The following MALRD1 variants were observed in gnomAD, a reference collection of about 807,000 sequenced individuals.
The protein encoded by MALRD1 is MAM and LDL-receptor class A domain-containing protein 1.
Under a neutral mutation model 242.1 loss-of-function variants are expected in MALRD1, and 247 were observed. The ratio of observed to expected loss-of-function variants is 1.02; its 90% CI spans 0.92 to 1.13. The LOEUF (loss-of-function observed/expected upper bound fraction) is 1.13. Among genes scored for constraint, MALRD1 ranks in the 50% most tolerant of loss-of-function variants. The probability of loss-of-function intolerance (pLI) is 0.00; values close to 1 mark genes in which losing one functional copy is unlikely to be tolerated. For synonymous variants in MALRD1, 995 were observed against 866.6 expected, an observed-to-expected ratio of 1.15 and a Z score of -2.60; for missense variants, 2,989 against 2,533.1, an observed-to-expected ratio of 1.18 and a Z score of -3.86.
At chr10:19,288,326 T>G (rs1224436889) in intron 21 of MALRD1, among the ~76,000 whole-genome samples, 1 of 152,090 alleles carries the variant, frequency 6.6e-6, no homozygotes, top group Non-Finnish European at 1.5e-5. Context: ...ACTCTCTTTA[T>G]TTTAAAATGT....
At chr10:19,727,715 C>T (rs1165568484) in intron 38 of MALRD1, among the ~76,000 whole-genome samples, 1 of 151,616 alleles carries the variant, frequency 6.6e-6, no homozygotes, top group African/African-American at 2.4e-5. Context: ...GAAAAAAAAT[C>T]AACTGCTTAA....
chr10:19,207,800 C>G (rs892221346), intron 17 of MALRD1, among the ~76,000 whole-genome samples: 2 of 152,132 alleles, frequency 1.3e-5, no homozygotes, highest in Non-Finnish European at 2.9e-5. Flanking sequence ...CTGCGCCCAG[C>G]CTGATAATGT....
intron 28 of MALRD1, among the ~76,000 whole-genome samples, chr10:19,412,673 AAC>A (rs1833324893): frequency 6.6e-6 from 1 of 152,190 alleles, no homozygotes; most frequent in Non-Finnish European, 1.5e-5. Context: ...GCACATGATG[AAC>A]TCATGGTGAA....
At chr10:19,279,199 C>G (rs1840687482) in intron 19 of MALRD1, among the ~76,000 whole-genome samples, 1 of 152,154 alleles carries the variant, frequency 6.6e-6, no homozygotes, top group Non-Finnish European at 1.5e-5. Flanking sequence ...TCCTTTGTGA[C>G]TGGGCCCAAG....
At chr10:19,455,834 A>C (rs565223720) in intron 29 of MALRD1, among the ~76,000 whole-genome samples, 5 of 152,186 alleles carry the variant, frequency 3.3e-5, no homozygotes, top group Admixed American at 2.0e-4. Flanking sequence ...GCTGGGCTGA[A>C]ATGTGTGCAT....
At chr10:19,163,067 G>A (rs892929625) in intron 12 of MALRD1, among the ~76,000 whole-genome samples, 1 of 132,216 alleles carries the variant, frequency 7.6e-6, no homozygotes, top group African/African-American at 2.7e-5. Context: ...GAGCTCAGGA[G>A]TTTGAGGCTG....
chr10:19,265,775 A>G (rs1221300634), intron 19 of MALRD1, among the ~76,000 whole-genome samples: 1 of 151,822 alleles, frequency 6.6e-6, no homozygotes, highest in African/African-American at 2.4e-5. Context: ...TTCTTAATTG[A>G]TTTTCTGTCT....
chr10:19,515,144 T>C (rs1188290259), intron 31 of MALRD1, among the ~76,000 whole-genome samples: 1 of 152,192 alleles, frequency 6.6e-6, no homozygotes, highest in East Asian at 1.9e-4. Context: ...TTATAGCTTT[T>C]CTTACCAAAA....
chr10:19,061,330 A>C (rs1019736837), intron 1 of MALRD1, among the ~76,000 whole-genome samples: 2 of 152,212 alleles, frequency 1.3e-5, no homozygotes, highest in South Asian at 4.1e-4. Flanking sequence ...GGAAGATTTA[A>C]TATTGCTAAC....
chr10:19,718,595 C>T (rs370371062), intron 38 of MALRD1, among the ~76,000 whole-genome samples: 3 of 152,220 alleles, frequency 2.0e-5, no homozygotes, highest in East Asian at 3.9e-4. Context: ...TATTAGGGAT[C>T]GCATTTCATC....
chr10:19,129,519 G>C (rs537094757), intron 8 of MALRD1, among the ~76,000 whole-genome samples: 5 of 151,874 alleles, frequency 3.3e-5, no homozygotes, highest in Admixed American at 3.3e-4. Flanking sequence ...TGTCACATAG[G>C]TATGATCATT....
At position 19,627,653 on chromosome 10, in the gene MALRD1, C is replaced by T. The variant is rs552879945; in HGVS notation, c.6137+11730C>T. Among the ~76,000 whole-genome samples the T allele has an allele frequency of 3.4e-4, 51 of 150,126 alleles. 1 individual carries two copies. In the South Asian group the frequency reaches 8.8e-3, roughly 26 times the overall value. The stretch of plus-strand genomic sequence containing the variant: ...GCAGGTTCCTGTAATCCCAGCTACA[C>T]GGGAAGCTGGAGTAGGAGAATCACT... On this transcript the variant is annotated intron_variant, in intron 36 of 39. Transcript: ENST00000454679.
chr10:19,709,752 TA>T (rs374642603), intron 38 of MALRD1, among the ~76,000 whole-genome samples: 10 of 152,170 alleles, frequency 6.6e-5, no homozygotes, highest in African/African-American at 2.4e-4. Flanking sequence ...ATGCTCATTT[TA>T]AAAATTAAAA....
intron 26 of MALRD1, among the ~76,000 whole-genome samples, chr10:19,358,114 C>T (rs1285486141): frequency 2.0e-5 from 3 of 151,674 alleles, no homozygotes; most frequent in Non-Finnish European, 4.4e-5. Flanking sequence ...TGTCCATATG[C>T]AAATTCAATC....
intron 22 of MALRD1, among the ~76,000 whole-genome samples, chr10:19,327,213 T>C (rs1843169691): frequency 1.3e-5 from 2 of 152,100 alleles, no homozygotes; most frequent in African/African-American, 2.4e-5. Context: ...CCATACTTTC[T>C]CATTTGACCA....
Position 19,222,378 on chromosome 10 carries a change from G to A in MALRD1, c.2991+12698G>A, listed in dbSNP as rs202195734. 4.6e-5 allele frequency among the ~76,000 whole-genome samples: 7 copies of A among 152,288 alleles called. No individual in the cohort carries two copies. In the East Asian group the frequency reaches 1.4e-3, roughly 29 times the overall value. ...TATGCTCTCCAGCCGAGGGACGCTA[G>A]AGAGGTTGAAATTTCAACTGTGGGA... On this transcript the variant is annotated intron_variant, in intron 18 of 39. Coordinates refer to ENST00000454679, the MANE Select transcript of MALRD1 (RefSeq NM_001142308.3).
intron 28 of MALRD1, among the ~76,000 whole-genome samples, chr10:19,427,264 C>A (rs146870175): frequency 1.3e-5 from 2 of 152,130 alleles, no homozygotes; most frequent in African/African-American, 4.8e-5. Flanking sequence ...AGTCCTCTTG[C>A]CCAAGGCTTT....
At chr10:19,578,285 A>T (rs1240622810) in intron 33 of MALRD1, among the ~76,000 whole-genome samples, 2 of 152,272 alleles carry the variant, frequency 1.3e-5, no homozygotes, top group South Asian at 2.1e-4. Context: ...AATAGCTGAA[A>T]ATGAGGGCCT....
At position 19,671,602 on chromosome 10, in the gene MALRD1, G is replaced by A. The variant is rs148920001; in HGVS notation, c.6138-20680G>A. Among the ~76,000 whole-genome samples, 449 of 152,012 alleles carry A rather than the reference G, an allele frequency of 3.0e-3. 2 individuals are homozygous for A. The highest frequency in any genetic ancestry group is 0.01 in the African/African-American group (418 of 41,472). On this transcript the variant is annotated intron_variant, in intron 36 of 39. Transcript: ENST00000454679. ...CACTGCACTCCAGCACTCCAGTCTC[G>A]GTGACACAGCGAGACTCCGTCTCAA...
Sources: gnomAD v4.1 joint callset for allele counts (sites outside exome capture counted in the v4.1 genomes callset) on GRCh38, gnomAD v4.1.1 for gene constraint, MANE v1.5 for transcripts, NCBI Gene and HGNC (gene_info 2026-07-23, HGNC 2026-07-21) for gene names.